The following COL5A2 variants were observed in gnomAD, a reference collection of about 807,000 sequenced individuals.
COL5A2 encodes the protein collagen alpha-2(V) chain.
COL5A2 carries 23 observed loss-of-function variants against 208.2 expected under a neutral mutation model. That is an observed-to-expected ratio of 0.11 (90% confidence interval 0.08 to 0.16). COL5A2 has a LOEUF of 0.16. Among genes scored for constraint, COL5A2 ranks in the 10% least tolerant of loss-of-function variants. COL5A2 has a pLI of 1.00. For synonymous variants in COL5A2, 625 were observed against 628.5 expected, an observed-to-expected ratio of 0.99 and a Z score of 0.08; for missense variants, 1,590 against 1,956.4, an observed-to-expected ratio of 0.81 and a Z score of 3.53.
chr2:189,091,253 T>G (rs906565157), intron 7 of COL5A2, among the ~76,000 whole-genome samples: 1 of 152,220 alleles, frequency 6.6e-6, no homozygotes, highest in Non-Finnish European at 1.5e-5. Context: ...TTAATTACTG[T>G]AATCTCATAA....
intron 1 of COL5A2, among the ~76,000 whole-genome samples, chr2:189,111,638 C>T (rs1204207640): frequency 1.3e-5 from 2 of 152,166 alleles, no homozygotes; most frequent in Admixed American, 6.5e-5. Context: ...TCAAAGAACT[C>T]ATTCACTCAG....
chr2:189,273,134 T>G, the COL5A2 span, among the ~76,000 whole-genome samples: 1 of 152,134 alleles, frequency 6.6e-6, no homozygotes, highest in East Asian at 1.9e-4. Flanking sequence ...AAAATCATAT[T>G]TATATGATGG....
intron 1 of COL5A2, among the ~76,000 whole-genome samples, chr2:189,139,974 G>A (rs959458592): frequency 6.6e-6 from 1 of 152,072 alleles, no homozygotes; most frequent in African/African-American, 2.4e-5. Flanking sequence ...TCAGGAGGCT[G>A]AGGCAGAAGA....
the COL5A2 span, among the ~76,000 whole-genome samples, chr2:189,409,050 T>A: frequency 2.0e-5 from 3 of 152,170 alleles, no homozygotes; most frequent in African/African-American, 7.2e-5. Flanking sequence ...ATGGCATTTA[T>A]CCTTCTTTAG....
chr2:189,127,085 A>G (rs980326949), intron 1 of COL5A2, among the ~76,000 whole-genome samples: 15 of 152,120 alleles, frequency 9.9e-5, no homozygotes, highest in Non-Finnish European at 2.2e-4. Context: ...GGGGATTGGG[A>G]TACCTTTTCT....
At chr2:189,312,569 C>T in the COL5A2 span, among the ~76,000 whole-genome samples, 1 of 152,174 alleles carries the variant, frequency 6.6e-6, no homozygotes, top group African/African-American at 2.4e-5. Context: ...GGACAGGACT[C>T]AGGCTTTGCC....
chr2:189,078,257 C>T (rs1031794314), intron 16 of COL5A2, among the ~76,000 whole-genome samples: 5 of 151,932 alleles, frequency 3.3e-5, no homozygotes, highest in Non-Finnish European at 5.9e-5. Context: ...TCATTATTTT[C>T]TTAATTTTTG....
the COL5A2 span, among the ~76,000 whole-genome samples, chr2:189,332,057 G>GA: frequency 6.6e-6 from 1 of 151,106 alleles, no homozygotes; most frequent in Non-Finnish European, 1.5e-5. Flanking sequence ...GAAGTAAACA[G>GA]AAAAAATGAC....
the COL5A2 span, among the ~76,000 whole-genome samples, chr2:189,256,616 G>T: frequency 2.6e-5 from 4 of 152,098 alleles, no homozygotes; most frequent in Admixed American, 6.6e-5. Flanking sequence ...GGAAAATCTG[G>T]AGATCTTTGC....
At position 189,058,500 on chromosome 2, in the gene COL5A2, C is replaced by T; in HGVS notation, c.2158G>A (p.Gly720Arg). 2 of 1,614,028 alleles carry T rather than the reference C, an allele frequency of 1.2e-6. No homozygotes were observed. The highest frequency in any genetic ancestry group is 1.7e-6 in the Non-Finnish European group (2 of 1,179,942). The stretch of plus-strand genomic sequence containing the variant: ...GGGAGTCCAGTTATCCCAGGTTCTC[C>T]TCTTTCCCCAGGATTTCCTCGTTCT... ...RGERGNPGER[G>R]EPGITGLPGE... Residue 720 changes from glycine (G) to arginine (R), a missense_variant, in exon 33 of 54, where the codon GGA becomes AGA. Gly to Arg is a moderately radical substitution (Grantham distance 125, BLOSUM62 -2). Transcript: ENST00000374866.
intron 41 of COL5A2, 24 bp from the exon 42 acceptor site, chr2:189,051,505 C>G: frequency 6.3e-7 from 1 of 1,585,182 alleles, no homozygotes; most frequent in Non-Finnish European, 8.6e-7. Context: ...GAAAGAAACA[C>G]CAAGGAGGGC....
At chr2:189,344,315 C>A in the COL5A2 span, among the ~76,000 whole-genome samples, 1 of 152,084 alleles carries the variant, frequency 6.6e-6, no homozygotes, top group Non-Finnish European at 1.5e-5. Context: ...CAAACCTTCC[C>A]AGACTTCAAA....
intron 1 of COL5A2, among the ~76,000 whole-genome samples, chr2:189,204,574 A>C (rs1452422218): frequency 1.3e-5 from 2 of 152,156 alleles, no homozygotes. Context: ...TAATGAATCC[A>C]TTTCATCTTT....
At chr2:189,136,564 T>C (rs1243985909) in intron 1 of COL5A2, among the ~76,000 whole-genome samples, 1 of 150,830 alleles carries the variant, frequency 6.6e-6, no homozygotes, top group Non-Finnish European at 1.5e-5. Context: ...TGGAGAAATC[T>C]TGTGTTTGTA....
At chr2:189,146,071 T>A (rs1436025266) in intron 1 of COL5A2, among the ~76,000 whole-genome samples, 1 of 152,090 alleles carries the variant, frequency 6.6e-6, no homozygotes, top group African/African-American at 2.4e-5. Context: ...AATGATGATA[T>A]CTTCATACAT....
chr2:189,059,293 A>C (rs1375129275), intron 31 of COL5A2, among the ~76,000 whole-genome samples: 1 of 152,112 alleles, frequency 6.6e-6, no homozygotes, highest in Non-Finnish European at 1.5e-5. Flanking sequence ...TTTAAATAGA[A>C]CCAATCCAAT....
chr2:189,435,650 T>A, the COL5A2 span, among the ~76,000 whole-genome samples: 1 of 152,140 alleles, frequency 6.6e-6, no homozygotes, highest in Non-Finnish European at 1.5e-5. Context: ...CCAGTTAGAA[T>A]GACAATCATT....
At chr2:189,159,605 G>A (rs1277530712) in intron 1 of COL5A2, among the ~76,000 whole-genome samples, 2 of 152,162 alleles carry the variant, frequency 1.3e-5, no homozygotes, top group Admixed American at 1.3e-4. Context: ...CAGCTACAAT[G>A]TTGCTGCTTT....
At chr2:189,345,311 A>T in the COL5A2 span, among the ~76,000 whole-genome samples, 2 of 152,226 alleles carry the variant, frequency 1.3e-5, no homozygotes, top group Non-Finnish European at 2.9e-5. Flanking sequence ...TGGATGCAGC[A>T]GCTTTCCAGC....
Sources: gnomAD v4.1 joint callset for allele counts (sites outside exome capture counted in the v4.1 genomes callset) on GRCh38, gnomAD v4.1.1 for gene constraint, MANE v1.5 for transcripts, NCBI Gene and HGNC (gene_info 2026-07-23, HGNC 2026-07-21) for gene names.